The following SLC44A1 variants were observed in gnomAD, a reference collection of about 807,000 sequenced individuals.
SLC44A1 encodes choline transporter-like protein 1.
Under a neutral mutation model 79.3 loss-of-function variants are expected in SLC44A1, and 26 were observed. That is an observed-to-expected ratio of 0.33 (90% CI 0.24 to 0.46). SLC44A1 has a LOEUF of 0.46. Ranked by LOEUF, SLC44A1 falls within the 20% of genes least tolerant of loss-of-function variation. The pLI, the probability that SLC44A1 is intolerant of heterozygous loss-of-function variation, is 1.00. For synonymous variants in SLC44A1, 263 were observed against 286.2 expected, an observed-to-expected ratio of 0.92 and a Z score of 0.82; for missense variants, 688 against 798.1, an observed-to-expected ratio of 0.86 and a Z score of 1.66.
chr9:105,432,355 G>A (rs1457022994), intron 15 of SLC44A1, among the ~76,000 whole-genome samples: 3 of 152,202 alleles, frequency 2.0e-5, no homozygotes, highest in Non-Finnish European at 2.9e-5. Context: ...CCTTGCTAAA[G>A]GTAATACAAC....
At chr9:105,427,685 T>C (rs1388853173) in intron 15 of SLC44A1, among the ~76,000 whole-genome samples, 1 of 152,246 alleles carries the variant, frequency 6.6e-6, no homozygotes, top group Non-Finnish European at 1.5e-5. Flanking sequence ...TTCCTTTAGA[T>C]AGACTTCTGG....
chr9:105,395,213 TTTTG>T lies in SLC44A1; in HGVS notation c.*6165_*6168del, dbSNP rs1828851805. The T allele has an allele frequency of 6.1e-6, 6 of 982,536 alleles. No homozygotes were observed. The highest frequency in any genetic ancestry group is 1.2e-4 in the Admixed American group (2 of 16,282). The allele number at this position is 982,536 out of a possible 1,614,324, so 60.9% of individuals were successfully genotyped here. ...ACTCCTAGAAAAGTTTGGGGGTTTT[TTTTG>T]TTTGTTTTTGGTGTTTTTTTGAGAC... On this transcript the variant is annotated 3_prime_UTR_variant, in exon 16 of 16. Coordinates refer to ENST00000374720, the MANE Select transcript of SLC44A1 (RefSeq NM_080546.5).
chr9:105,391,164 A>C lies in SLC44A1; in HGVS notation c.*2108A>C. The stretch of plus-strand genomic sequence containing the variant: ...TGTCCCTCCAAAGTGACCTGATGGA[A>C]GTCCTGAACTTGGAAATTAGGTTCT... On this transcript the variant is annotated 3_prime_UTR_variant, in exon 16 of 16. Coordinates refer to ENST00000374720, the MANE Select transcript of SLC44A1 (RefSeq NM_080546.5). 1 of 985,754 alleles carries C rather than the reference A, an allele frequency of 1.0e-6. No individual in the cohort carries two copies. Among genetic ancestry groups the C allele is most frequent in the Non-Finnish European group, 1.2e-6 (1 of 829,920 alleles). The allele number at this position is 985,754 out of a possible 1,614,324, so 61.1% of individuals were successfully genotyped here. A position where few individuals can be genotyped will look rare whatever the true frequency, so the allele number is the denominator to read the frequency against.
At chr9:105,270,163 G>A (rs1374373752) in intron 1 of SLC44A1, among the ~76,000 whole-genome samples, 1 of 152,054 alleles carries the variant, frequency 6.6e-6, no homozygotes, top group Non-Finnish European at 1.5e-5. Flanking sequence ...TTACTGTCAT[G>A]GAACTCAGTG....
At chr9:105,357,527 G>A (rs1053958719) in intron 6 of SLC44A1, among the ~76,000 whole-genome samples, 1 of 152,062 alleles carries the variant, frequency 6.6e-6, no homozygotes, top group Admixed American at 6.5e-5. Context: ...ATTTGTTTGT[G>A]GAATGGGCCT....
At position 105,365,540 on chromosome 9, in the gene SLC44A1, T is replaced by A. The variant is rs762368131; in HGVS notation, c.1311T>A (p.Arg437=). Residue 437 remains arginine (R), a synonymous_variant, in exon 11 of 16, where the codon CGT becomes CGA. Transcript: ENST00000374720. ...TGGCATCAGTAAATCGCCTTATTCG[T>A]TACCACCTAGGTACGGTGGCAAAAG... The part of the protein sequence containing the change: ...PILASVNRLI[R]YHLGTVAKGS... 3.1e-5 allele frequency: 50 copies of A among 1,613,512 alleles called. 1 individual carries two copies. The South Asian group carries it at 5.5e-4, about 18-fold the overall frequency.
chr9:105,332,316 C>T (rs1308278475), intron 3 of SLC44A1, among the ~76,000 whole-genome samples: 3 of 151,952 alleles, frequency 2.0e-5, no homozygotes, highest in African/African-American at 2.4e-5. Context: ...GATGGGGTTT[C>T]ACCATGTTGT....
At chr9:105,333,581 G>A (rs879644332) in intron 3 of SLC44A1, among the ~76,000 whole-genome samples, 1 of 152,166 alleles carries the variant, frequency 6.6e-6, no homozygotes, top group African/African-American at 2.4e-5. Context: ...AGGCCAAGGC[G>A]GGTGGATCAC....
chr9:105,344,772 T>C (rs1827198605), intron 4 of SLC44A1, among the ~76,000 whole-genome samples: 1 of 152,058 alleles, frequency 6.6e-6, no homozygotes, highest in African/African-American at 2.4e-5. Context: ...ATTATAAAAA[T>C]AGAGATGATA....
At position 105,390,562 on chromosome 9, in the gene SLC44A1, A is replaced by G; in HGVS notation, c.*1506A>G. On this transcript the variant is annotated 3_prime_UTR_variant, in exon 16 of 16. Coordinates refer to ENST00000374720, the MANE Select transcript of SLC44A1 (RefSeq NM_080546.5). ...GGTATTATGGAAATGCATACAAGTA[A>G]TGTCACTAGGGCTTAATAAGCAGCC... The G allele has an allele frequency of 1.0e-6, 1 of 985,774 alleles. No individual in the cohort carries two copies. The highest frequency in any genetic ancestry group is 1.2e-6 in the Non-Finnish European group (1 of 829,916). The allele number at this position is 985,774 out of a possible 1,614,324, so 61.1% of individuals were successfully genotyped here. A position where few individuals can be genotyped will look rare whatever the true frequency, so the allele number is the denominator to read the frequency against.
chr9:105,291,760 G>A (rs990263281), intron 1 of SLC44A1, among the ~76,000 whole-genome samples: 1 of 152,166 alleles, frequency 6.6e-6, no homozygotes, highest in Non-Finnish European at 1.5e-5. Flanking sequence ...AGGAAGAATA[G>A]CATTCCTTTG....
intron 13 of SLC44A1, among the ~76,000 whole-genome samples, chr9:105,375,593 T>G (rs372455961): frequency 1.3e-5 from 2 of 152,054 alleles, no homozygotes; most frequent in South Asian, 2.1e-4. Context: ...TCTAGGAGAG[T>G]GCTTGACACA....
At chr9:105,408,921 T>G (rs1208805071) in intron 15 of SLC44A1, among the ~76,000 whole-genome samples, 1 of 152,224 alleles carries the variant, frequency 6.6e-6, no homozygotes, top group African/African-American at 2.4e-5. Context: ...AAATTTAGGA[T>G]GTTAATTATA....
intron 4 of SLC44A1, among the ~76,000 whole-genome samples, chr9:105,336,186 CAT>C (rs1410643190): frequency 1.5e-4 from 23 of 150,886 alleles, no homozygotes; most frequent in African/African-American, 5.6e-4. Flanking sequence ...AGCAATGTAA[CAT>C]ATGCATATTA....
At chr9:105,356,663 G>C (rs1171574484) in intron 6 of SLC44A1, among the ~76,000 whole-genome samples, 4 of 151,994 alleles carry the variant, frequency 2.6e-5, no homozygotes, top group Non-Finnish European at 5.9e-5. Flanking sequence ...AGAGCAAGAG[G>C]CTTCTTTTAA....
rs375364865 is a variant in SLC44A1, at chr9:105,360,827, T to C, written c.761-364T>C. 5.9e-5 allele frequency among the ~76,000 whole-genome samples: 9 copies of C among 152,328 alleles called. No individual in the cohort carries two copies. In the East Asian group the frequency reaches 1.4e-3, roughly 23 times the overall value. On this transcript the variant is annotated intron_variant, in intron 7 of 15. Coordinates refer to ENST00000374720, the MANE Select transcript of SLC44A1 (RefSeq NM_080546.5). ...CTTCATTGATGTTTTCTGTGATGCT[T>C]ATTTCCTTCCTCCAGCCTCCTCAGC... is the stretch of plus-strand genomic sequence containing the variant.
At chr9:105,253,817 C>T (rs891842304) in intron 1 of SLC44A1, among the ~76,000 whole-genome samples, 7 of 152,060 alleles carry the variant, frequency 4.6e-5, no homozygotes, top group Non-Finnish European at 7.4e-5. Context: ...CTCCGCCTCC[C>T]GGGTTTAAGC....
intron 3 of SLC44A1, among the ~76,000 whole-genome samples, chr9:105,333,317 T>C (rs1166208165): frequency 6.6e-6 from 1 of 152,106 alleles, no homozygotes; most frequent in Non-Finnish European, 1.5e-5. Context: ...AAGGCATTGC[T>C]CATCACTTAG....
chr9:105,417,209 A>G (rs950922579), intron 15 of SLC44A1, among the ~76,000 whole-genome samples: 5 of 152,198 alleles, frequency 3.3e-5, no homozygotes, highest in Middle Eastern at 3.2e-3. Context: ...ACTGGTTCCT[A>G]GAACCTGAGG....
Sources: gnomAD v4.1 joint callset for allele counts (sites outside exome capture counted in the v4.1 genomes callset) on GRCh38, gnomAD v4.1.1 for gene constraint, MANE v1.5 for transcripts, NCBI Gene and HGNC (gene_info 2026-07-23, HGNC 2026-07-21) for gene names.